CELF2: variants seen among roughly 807,000 people sequenced by gnomAD.
CELF2 encodes the protein CUGBP Elav-like family member 2, also known as CUG triplet repeat RNA-binding protein 2.
In CELF2, 8 loss-of-function variants were observed where a neutral mutation model predicts 62.6. That is an observed-to-expected ratio of 0.13 (90% CI 0.07 to 0.23). The LOEUF (loss-of-function observed/expected upper bound fraction) is 0.23. Among genes scored for constraint, CELF2 ranks in the 10% least tolerant of loss-of-function variants. CELF2 has a pLI of 1.00. For missense variants in CELF2, 333 were observed against 671.0 expected, an observed-to-expected ratio of 0.50 and a Z score of 5.56; for synonymous variants, 258 against 250.0, an observed-to-expected ratio of 1.03 and a Z score of -0.30.
At chr10:10,535,051 T>C in the CELF2 span, among the ~76,000 whole-genome samples, 1 of 152,206 alleles carries the variant, frequency 6.6e-6, no homozygotes, top group Admixed American at 6.5e-5. Flanking sequence ...GGGATCTTAG[T>C]TTACCTCCTG....
intron 2 of CELF2, among the ~76,000 whole-genome samples, chr10:10,977,061 G>C (rs537442354): frequency 5.3e-5 from 8 of 152,238 alleles, no homozygotes; most frequent in Non-Finnish European, 1.0e-4. Context: ...TCTGTCAGGA[G>C]CTCTGCCCTG....
chr10:10,908,135 C>T (rs776693382), intron 1 of CELF2, among the ~76,000 whole-genome samples: 1 of 150,484 alleles, frequency 6.6e-6, no homozygotes. Context: ...TCCTGACCCT[C>T]GGGGAGCCTC....
chr10:11,197,028 A>AAGGAAGGAAGGAAGGAAG (rs1565231131), intron 2 of CELF2, among the ~76,000 whole-genome samples: 1 of 20,980 alleles, frequency 4.8e-5, no homozygotes, highest in African/African-American at 3.9e-4. Context: ...AAGAAAGAAA[A>AAGGAAGGAAGGAAGGAAG]GAAAGAAAGA....
chr10:10,910,781 T>C (rs1408858671), intron 1 of CELF2, among the ~76,000 whole-genome samples: 1 of 151,254 alleles, frequency 6.6e-6, no homozygotes, highest in Admixed American at 6.6e-5. Context: ...GTTTTTTCGG[T>C]TTTTGCTTTG....
At chr10:11,248,489 C>T (rs923143596) in intron 3 of CELF2, among the ~76,000 whole-genome samples, 1 of 152,110 alleles carries the variant, frequency 6.6e-6, no homozygotes, top group Non-Finnish European at 1.5e-5. Context: ...TGTTCGTATT[C>T]TGTATTTGTA....
chr10:11,009,385 G>A (rs1025356059), intron 1 of CELF2, among the ~76,000 whole-genome samples: 3 of 151,986 alleles, frequency 2.0e-5, no homozygotes, highest in Admixed American at 6.6e-5. Flanking sequence ...CGGAACCTCC[G>A]TTCAACTCAG....
chr10:11,268,029 T>TGATAGGC lies in CELF2; in HGVS notation c.618+1357_618+1363dup, dbSNP rs1355881961. 6.6e-6 allele frequency among the ~76,000 whole-genome samples: 1 copy of TGATAGGC among 152,192 alleles called. No homozygotes were observed. Among genetic ancestry groups the TGATAGGC allele is most frequent in the Non-Finnish European group, 1.5e-5 (1 of 68,036 alleles). On this transcript the variant is annotated intron_variant, in intron 6 of 12. Transcript: ENST00000633077. The surrounding 1 kb of genome is among the most constrained non-coding windows in gnomAD (Gnocchi z 4.7). ...GGCAAGCTCAGGTGAAAATCGGGCA[T>TGATAGGC]GATAGGCGATAATGAGCAGGATTTG... is the stretch of plus-strand genomic sequence containing the variant.
chr10:10,634,601 A>G, the CELF2 span, among the ~76,000 whole-genome samples: 1 of 151,990 alleles, frequency 6.6e-6, no homozygotes, highest in African/African-American at 2.4e-5. Context: ...TAGGTTATGC[A>G]ATAATGCTAA....
At chr10:10,859,865 A>G (rs987090906) in intron 1 of CELF2, among the ~76,000 whole-genome samples, 2 of 152,166 alleles carry the variant, frequency 1.3e-5, no homozygotes, top group Admixed American at 6.6e-5. Flanking sequence ...TTCCTCAGAT[A>G]AATTCCTAGC....
At chr10:10,763,246 C>T in the CELF2 span, among the ~76,000 whole-genome samples, 2 of 152,188 alleles carry the variant, frequency 1.3e-5, no homozygotes, top group African/African-American at 4.8e-5. Context: ...TTCCTTTACG[C>T]AAAAGAGGTC....
chr10:11,197,734 G>A (rs1424356409), intron 2 of CELF2, among the ~76,000 whole-genome samples: 1 of 152,218 alleles, frequency 6.6e-6, no homozygotes, highest in Non-Finnish European at 1.5e-5. Context: ...CCCAAATGGG[G>A]ATCTCATTTT....
chr10:10,687,630 G>C, the CELF2 span, among the ~76,000 whole-genome samples: 1 of 152,138 alleles, frequency 6.6e-6, no homozygotes, highest in Non-Finnish European at 1.5e-5. Flanking sequence ...ATGTTCAATA[G>C]AACTTCATAT....
chr10:10,608,185 G>T, the CELF2 span, among the ~76,000 whole-genome samples: 1,038 of 152,194 alleles, frequency 6.8e-3, 5 homozygotes, highest in South Asian at 0.034. Context: ...GTTGAATGAG[G>T]CCAATCGTGT....
chr10:10,546,107 C>A, the CELF2 span, among the ~76,000 whole-genome samples: 1 of 152,174 alleles, frequency 6.6e-6, no homozygotes, highest in Non-Finnish European at 1.5e-5. Flanking sequence ...TTATTCCTAT[C>A]TAAAACACCT....
the CELF2 span, among the ~76,000 whole-genome samples, chr10:10,607,844 AC>A: frequency 1.5e-4 from 23 of 152,274 alleles, no homozygotes; most frequent in East Asian, 3.7e-3. Context: ...TAATCCCAGC[AC>A]TTTGGGAGGC....
chr10:10,504,079 A>G, the CELF2 span, among the ~76,000 whole-genome samples: 6 of 152,080 alleles, frequency 3.9e-5, no homozygotes, highest in African/African-American at 1.4e-4. Context: ...ATATACATTT[A>G]GATACACATA....
At chr10:10,711,619 C>T in the CELF2 span, among the ~76,000 whole-genome samples, 31 of 152,260 alleles carry the variant, frequency 2.0e-4, no homozygotes, top group African/African-American at 6.5e-4. Context: ...CGGTGGCTCA[C>T]GCCTGTAATC....
chr10:10,859,408 G>C (rs1052465449), intron 1 of CELF2, among the ~76,000 whole-genome samples: 2 of 152,088 alleles, frequency 1.3e-5, no homozygotes, highest in African/African-American at 4.8e-5. Flanking sequence ...GGAACAGAAA[G>C]ATCTGTTTTT....
intron 1 of CELF2, among the ~76,000 whole-genome samples, chr10:10,808,529 A>G (rs2055482637): frequency 6.6e-6 from 1 of 152,224 alleles, no homozygotes; most frequent in Admixed American, 6.5e-5. Flanking sequence ...AAAGCTGTCA[A>G]ATATGTCAAA....
Sources: allele counts gnomAD v4.1 joint callset (sites outside exome capture counted in the v4.1 genomes callset), GRCh38; gene constraint gnomAD v4.1.1; non-coding constraint Gnocchi (gnomAD v3.1); transcripts MANE v1.5; gene names NCBI Gene and HGNC (gene_info 2026-07-23, HGNC 2026-07-21).